The following ZBBX variants were observed in gnomAD, a reference collection of about 807,000 sequenced individuals.
ZBBX encodes the protein zinc finger B-box domain-containing protein 1.
ZBBX carries 101 observed loss-of-function variants against 108.5 expected under a neutral mutation model. The observed-to-expected ratio is 0.93, with a 90% CI of 0.79 to 1.10. ZBBX has a LOEUF of 1.10. Among genes scored for constraint, ZBBX ranks in the 50% least tolerant of loss-of-function variants. The pLI is 0.00. For missense variants in ZBBX, 1,009 were observed against 941.4 expected (o/e 1.07, Z -0.94); for synonymous variants, 356 against 323.4 (o/e 1.10, Z -1.08).
chr3:167,309,925 C>T (rs996763322), intron 16 of ZBBX, among the ~76,000 whole-genome samples: 1 of 152,334 alleles, frequency 6.6e-6, no homozygotes, highest in East Asian at 1.9e-4. Context: ...AACTTTTATG[C>T]TCTGCTTCCC....
chr3:167,381,501 C>T (rs920163927), upstream of ZBBX, among the ~76,000 whole-genome samples: 3 of 152,128 alleles, frequency 2.0e-5, no homozygotes, highest in Admixed American at 6.5e-5. Context: ...AACAGTGGTG[C>T]TGGTGTGGCT....
At chr3:167,326,668 C>T (rs1737430578) in intron 11 of ZBBX, among the ~76,000 whole-genome samples, 1 of 151,608 alleles carries the variant, frequency 6.6e-6, no homozygotes, top group Non-Finnish European at 1.5e-5. Context: ...CATAAAATAA[C>T]ACAGCCAATG....
rs544980548 is a variant in ZBBX at position 167,277,372 on chromosome 3, C to T, written c.2254+4866G>A. 9.5e-4 allele frequency among the ~76,000 whole-genome samples: 144 copies of T among 152,210 alleles called. 1 individual carries two copies. Among genetic ancestry groups the T allele is most frequent in the African/African-American group, 3.3e-3 (138 of 41,528 alleles). On this transcript the variant is annotated intron_variant, in intron 20 of 21. Transcript: ENST00000675490. The stretch of plus-strand genomic sequence containing the variant: ...GAAGCCCATCTCACGTGCAGAGACA[C>T]ACATAGGCTCAAAATAAAAGGATAG...
intron 20 of ZBBX, among the ~76,000 whole-genome samples, chr3:167,249,568 G>A (rs1364467319): frequency 6.6e-6 from 1 of 152,040 alleles, no homozygotes; most frequent in Non-Finnish European, 1.5e-5. Context: ...AGTAAATTTG[G>A]GCCTAGTAAG....
At chr3:167,315,010 T>C (rs1735195197) in intron 15 of ZBBX, among the ~76,000 whole-genome samples, 1 of 152,188 alleles carries the variant, frequency 6.6e-6, no homozygotes, top group African/African-American at 2.4e-5. Context: ...TGGTTCTGTG[T>C]GTCTAAACAT....
intron 1 of ZBBX, chr3:167,401,369 G>A (rs75268424): frequency 3.1e-4 from 47 of 152,248 alleles, no homozygotes; most frequent in African/African-American, 1.1e-3. Flanking sequence ...TCAAGAAAGG[G>A]CTCTTGGATC....
chr3:167,346,001 A>AT (rs1741386584), intron 9 of ZBBX, among the ~76,000 whole-genome samples: 1 of 151,898 alleles, frequency 6.6e-6, no homozygotes, highest in African/African-American at 2.4e-5. Flanking sequence ...TGTGCATGTC[A>AT]TACTTCACAA....
the ZBBX span, among the ~76,000 whole-genome samples, chr3:167,179,501 A>G: frequency 8.0e-3 from 1,217 of 152,346 alleles, 13 homozygotes; most frequent in African/African-American, 0.028. Flanking sequence ...AAAAGGGTGC[A>G]TTCTATTCCT....
At chr3:167,228,058 A>G in the ZBBX span, among the ~76,000 whole-genome samples, 4 of 151,738 alleles carry the variant, frequency 2.6e-5, no homozygotes, top group Non-Finnish European at 5.9e-5. Flanking sequence ...TTTCACCCCA[A>G]AAATACCTTC....
intron 1 of ZBBX, among the ~76,000 whole-genome samples, chr3:167,395,227 G>T (rs78377219): frequency 0.01 from 1,527 of 152,072 alleles, 28 homozygotes; most frequent in African/African-American, 0.036. Flanking sequence ...GTTTCCTTTG[G>T]CTTTTTAAGA....
At chr3:167,184,064 T>C in the ZBBX span, among the ~76,000 whole-genome samples, 1 of 152,170 alleles carries the variant, frequency 6.6e-6, no homozygotes, top group East Asian at 1.9e-4. Flanking sequence ...ATTCTATGTT[T>C]AATTGATTAT....
At chr3:167,197,018 A>G in the ZBBX span, among the ~76,000 whole-genome samples, 1 of 152,188 alleles carries the variant, frequency 6.6e-6, no homozygotes, top group Non-Finnish European at 1.5e-5. Context: ...ATGCCAAAAC[A>G]TCAAGCAAAT....
Position 167,355,793 on chromosome 3 carries a change from A to C in ZBBX, c.432+4077T>G, listed in dbSNP as rs75565541. Reference sequence around the variant, plus strand: ...AACATGGGATATTCTTTTTATTCAAATAAAATAACATTCTTTCTCAAAATC... The same window carrying C: ...AACATGGGATATTCTTTTTATTCAACTAAAATAACATTCTTTCTCAAAATC... On this transcript the variant is annotated intron_variant, in intron 8 of 21. Transcript: ENST00000675490. 2.7e-3 allele frequency among the ~76,000 whole-genome samples: 404 copies of C among 152,132 alleles called. 2 individuals are homozygous for C. The highest frequency in any genetic ancestry group is 9.2e-3 in the African/African-American group (384 of 41,540).
chr3:167,382,527 T>C (rs1215330555), upstream of ZBBX, among the ~76,000 whole-genome samples: 3 of 152,262 alleles, frequency 2.0e-5, no homozygotes, highest in East Asian at 1.9e-4. Context: ...ACTGGAGATA[T>C]TCAATTTAAA....
At chr3:167,280,864 A>T (rs1483167937) in intron 20 of ZBBX, among the ~76,000 whole-genome samples, 1 of 152,174 alleles carries the variant, frequency 6.6e-6, no homozygotes, top group Non-Finnish European at 1.5e-5. Flanking sequence ...CAAATGTCCA[A>T]CAATGATAGA....
Position 167,322,174 on chromosome 3 carries a change from T to C in ZBBX, c.926A>G (p.Glu309Gly), listed in dbSNP as rs777301102. ...ATAGGATAGAATGTCTTCTTTAAGT[T>C]CAATATTAAGTGGTTCTCTCCAAAT... ...LKIWREPLNIELKEDILSYME... is the reference protein window; with the variant it reads ...LKIWREPLNIGLKEDILSYME... Residue 309 changes from glutamate (E) to glycine (G), a missense_variant, in exon 12 of 22, where the codon GAA becomes GGA. Glu to Gly is a moderately conservative substitution (Grantham distance 98). Coordinates refer to ENST00000675490, the MANE Select transcript of ZBBX (RefSeq NM_001199201.2). 2.0e-6 allele frequency: 3 copies of C among 1,468,032 alleles called. 1 individual carries two copies. Among genetic ancestry groups the C allele is most frequent in the Admixed American group, 4.4e-5 (2 of 45,102 alleles). 90.9% of individuals were successfully genotyped at this position (1,468,032 alleles called of 1,614,324 possible). A position where few individuals can be genotyped will look rare whatever the true frequency, so the allele number is the denominator to read the frequency against.
At chr3:167,387,537 G>T (rs1347649146) in intron 1 of ZBBX, among the ~76,000 whole-genome samples, 1 of 151,886 alleles carries the variant, frequency 6.6e-6, no homozygotes, top group Non-Finnish European at 1.5e-5. Context: ...ATAGAAAAAA[G>T]AAAGCATATA....
intron 20 of ZBBX, among the ~76,000 whole-genome samples, chr3:167,278,328 A>T (rs1728073822): frequency 6.6e-6 from 1 of 151,340 alleles, no homozygotes; most frequent in Non-Finnish European, 1.5e-5. Context: ...TTTTGGAAGG[A>T]TCAACAAAAT....
chr3:167,384,891 G>T (rs1747859796), upstream of ZBBX, among the ~76,000 whole-genome samples: 1 of 151,932 alleles, frequency 6.6e-6, no homozygotes, highest in South Asian at 2.1e-4. Flanking sequence ...AACTAGCACT[G>T]GTCATTGAAG....
Sources: gnomAD v4.1 joint callset for allele counts (sites outside exome capture counted in the v4.1 genomes callset) on GRCh38, gnomAD v4.1.1 for gene constraint, MANE v1.5 for transcripts, NCBI Gene and HGNC (gene_info 2026-07-23, HGNC 2026-07-21) for gene names.